The following JARID2 variants were observed in gnomAD, a reference collection of about 807,000 sequenced individuals.
The protein encoded by JARID2 is protein Jumonji.
In JARID2, 21 loss-of-function variants were observed where a neutral mutation model predicts 125.6. That is an observed-to-expected ratio of 0.17 (90% CI 0.12 to 0.24). The LOEUF (loss-of-function observed/expected upper bound fraction) is 0.24. JARID2 is among the 10% of genes least tolerant of loss of function. The probability of loss-of-function intolerance (pLI) is 1.00; values close to 1 mark genes in which losing one functional copy is unlikely to be tolerated. For missense variants in JARID2, 1,303 were observed against 1,639.6 expected (o/e 0.79, Z 3.55); for synonymous variants, 736 against 661.6 (o/e 1.11, Z -1.73).
chr6:15,420,757 T>C (rs1275791667), intron 3 of JARID2, among the ~76,000 whole-genome samples: 1 of 152,192 alleles, frequency 6.6e-6, no homozygotes, highest in Non-Finnish European at 1.5e-5. Context: ...GTTTCAAGCA[T>C]GGTTAGGTAG....
intron 1 of JARID2, among the ~76,000 whole-genome samples, chr6:15,291,463 A>T (rs553882647): frequency 6.6e-6 from 1 of 152,300 alleles, no homozygotes; most frequent in East Asian, 1.9e-4. Flanking sequence ...TCAGTGACCT[A>T]ACTAATCTGG....
Position 15,396,565 on chromosome 6 carries a change from G to A in JARID2, c.182-13659G>A, listed in dbSNP as rs143083368. 1.7e-4 allele frequency among the ~76,000 whole-genome samples: 26 copies of A among 152,158 alleles called. No individual in the cohort carries two copies. In the East Asian group the frequency reaches 4.2e-3, roughly 25 times the overall value. On this transcript the variant is annotated intron_variant, in intron 2 of 17. Transcript: ENST00000341776. ...CCCTCCGTGTATGCCTGAAACTGTC[G>A]CTATTACCAAACCCTGTATATACTG... is the stretch of plus-strand genomic sequence containing the variant.
chr6:15,478,035 G>T (rs1769431218), intron 5 of JARID2, among the ~76,000 whole-genome samples: 1 of 152,172 alleles, frequency 6.6e-6, no homozygotes. Context: ...TCCTTTCCCT[G>T]TTTCTTCTTG....
At chr6:15,447,722 G>A (rs536055724) in intron 3 of JARID2, among the ~76,000 whole-genome samples, 2 of 152,328 alleles carry the variant, frequency 1.3e-5, no homozygotes, top group South Asian at 2.1e-4. Context: ...GGAAATAAAT[G>A]GTGTGGTGGG....
At chr6:15,507,682 GC>G (rs1404171521) in intron 11 of JARID2, among the ~76,000 whole-genome samples, 4 of 152,232 alleles carry the variant, frequency 2.6e-5, no homozygotes, top group Non-Finnish European at 5.9e-5. Context: ...CCTTGAAATT[GC>G]TGCTTTCAAA....
intron 1 of JARID2, among the ~76,000 whole-genome samples, chr6:15,301,818 G>T (rs1472467816): frequency 6.6e-6 from 1 of 152,168 alleles, no homozygotes; most frequent in Non-Finnish European, 1.5e-5. Flanking sequence ...TTATTAGCTT[G>T]AGAAGGAAAT....
intron 1 of JARID2, among the ~76,000 whole-genome samples, chr6:15,264,517 C>T (rs1346844165): frequency 6.6e-6 from 1 of 152,010 alleles, no homozygotes; most frequent in Non-Finnish European, 1.5e-5. Context: ...CTAACAGGAG[C>T]CCTGACAGCT....
chr6:15,273,364 A>G (rs1317485284), intron 1 of JARID2, among the ~76,000 whole-genome samples: 1 of 152,204 alleles, frequency 6.6e-6, no homozygotes, highest in Admixed American at 6.5e-5. Context: ...GACAAACTAT[A>G]AAACCAAGGG....
chr6:15,452,357 AC>A (rs1400330480), intron 4 of JARID2, 182 bp downstream of exon 4: 1 of 479,524 alleles, frequency 2.1e-6, no homozygotes, highest in African/African-American at 2.1e-5. Context: ...TGGCTTTTGA[AC>A]CATCAGTTAA....
intron 1 of JARID2, among the ~76,000 whole-genome samples, chr6:15,305,663 A>G (rs1476636341): frequency 1.3e-5 from 2 of 152,154 alleles, no homozygotes; most frequent in African/African-American, 4.8e-5. Context: ...GCAGAAGCAG[A>G]CACCATTGTT....
rs570445971 is a variant in JARID2 at position 15,355,759 on chromosome 6, G to T, written c.46-18358G>T. ...CCAGAGGAGGTGGGACCACAGGTGC[G>T]TGCCACCACGCCTGGCTAATTTCTG... On this transcript the variant is annotated intron_variant, in intron 1 of 17. Transcript: ENST00000341776. 2.2e-4 allele frequency among the ~76,000 whole-genome samples: 34 copies of T among 152,190 alleles called. No individual in the cohort carries two copies. The East Asian group carries it at 6.6e-3, about 29-fold the overall frequency.
chr6:15,484,097 C>G (rs927753984), intron 5 of JARID2, among the ~76,000 whole-genome samples: 1 of 152,332 alleles, frequency 6.6e-6, no homozygotes, highest in South Asian at 2.1e-4. Context: ...TAGCACATCT[C>G]CTGCAAGGGT....
intron 1 of JARID2, among the ~76,000 whole-genome samples, chr6:15,338,576 A>G (rs1196581272): frequency 1.3e-5 from 2 of 152,224 alleles, no homozygotes; most frequent in Non-Finnish European, 2.9e-5. Context: ...GGATTGATCC[A>G]GCCCTCCTGT....
At chr6:15,392,698 T>TTG (rs942900244) in intron 2 of JARID2, among the ~76,000 whole-genome samples, 15 of 147,556 alleles carry the variant, frequency 1.0e-4, no homozygotes, top group Non-Finnish European at 2.0e-4. Context: ...TTTTTTTTTT[T>TTG]TGAGTCAGGG....
intron 4 of JARID2, among the ~76,000 whole-genome samples, chr6:15,463,397 AGGTCATGT>A (rs1419299407): frequency 3.3e-5 from 5 of 149,624 alleles, no homozygotes; most frequent in Non-Finnish European, 7.4e-5. Flanking sequence ...TGAGAACGCA[AGGTCATGT>A]GGGGTTGTGG....
intron 8 of JARID2, among the ~76,000 whole-genome samples, chr6:15,501,701 AGGAGACCCAGTGAGGGAGGG>A (rs1193169982): frequency 6.6e-6 from 1 of 152,200 alleles, no homozygotes; most frequent in Non-Finnish European, 1.5e-5. Flanking sequence ...ATGGGGCAGC[AGGAGACCCAGTGAGGGAGGG>A]GAAGTCCACT....
At position 15,521,220 on chromosome 6, in the gene JARID2, A is replaced by G. The variant is rs1771832399; in HGVS notation, c.*969A>G. 1 of 153,448 alleles carries G rather than the reference A, an allele frequency of 6.5e-6. No individual in the cohort carries two copies. The highest frequency in any genetic ancestry group is 1.5e-5 in the Non-Finnish European group (1 of 68,916). 9.5% of individuals were successfully genotyped at this position (153,448 alleles called of 1,614,324 possible). A position where few individuals can be genotyped will look rare whatever the true frequency, so the allele number is the denominator to read the frequency against. ...AGTCAGCATTAATCTTTCTTTTAAA[A>G]CTTGTTTCATTTATGATCATGTAGA... On this transcript the variant is annotated 3_prime_UTR_variant, in exon 18 of 18. Transcript: ENST00000341776.
At chr6:15,513,509 C>G in intron 16 of JARID2, 87 bp downstream of exon 16, 2 of 1,317,860 alleles carry the variant, frequency 1.5e-6, no homozygotes, top group Non-Finnish European at 2.1e-6. Flanking sequence ...GGAGGGCGCT[C>G]TCTGCCCAGG....
intron 2 of JARID2, among the ~76,000 whole-genome samples, chr6:15,401,406 A>G (rs942568375): frequency 6.6e-5 from 10 of 152,364 alleles, no homozygotes; most frequent in African/African-American, 2.4e-4. Flanking sequence ...CCATCCAGCT[A>G]TAGCTGGTCC....
Sources: allele counts gnomAD v4.1 joint callset (sites outside exome capture counted in the v4.1 genomes callset), GRCh38; gene constraint gnomAD v4.1.1; transcripts MANE v1.5; gene names NCBI Gene and HGNC (gene_info 2026-07-23, HGNC 2026-07-21).